The following MRPL21 variants were observed in gnomAD, a reference collection of about 807,000 sequenced individuals.
MRPL21 encodes large ribosomal subunit protein bL21m.
In MRPL21, 20 loss-of-function variants were observed where a neutral mutation model predicts 27.3. The ratio of observed to expected loss-of-function variants is 0.73; its 90% CI spans 0.52 to 1.06. The LOEUF is 1.06. Among genes scored for constraint, MRPL21 ranks in the 50% least tolerant of loss-of-function variants. The pLI, the probability that MRPL21 is intolerant of heterozygous loss-of-function variation, is 0.00. For missense variants in MRPL21, 249 were observed against 251.4 expected (o/e 0.99, Z 0.06); for synonymous variants, 98 against 101.5 (o/e 0.97, Z 0.21).
intron 2 of MRPL21, among the ~76,000 whole-genome samples, chr11:68,899,393 G>A (rs999430944): frequency 7.2e-5 from 11 of 152,172 alleles, no homozygotes; most frequent in Non-Finnish European, 1.3e-4. Context: ...CAAAGACCAG[G>A]CCCACCCGTC....
chr11:68,891,421 G>C, intron 6 of MRPL21, 26 bp from the exon 7 acceptor site: 1 of 1,612,128 alleles, frequency 6.2e-7, no homozygotes, highest in Non-Finnish European at 8.5e-7. Flanking sequence ...TCACAGGCTT[G>C]ACCACAGACC....
At chr11:68,894,574 G>A (rs1219648549) in intron 4 of MRPL21, among the ~76,000 whole-genome samples, 4 of 152,144 alleles carry the variant, frequency 2.6e-5, no homozygotes, top group African/African-American at 7.2e-5. Context: ...GAGCCACCAC[G>A]CACGGCCTAC....
At chr11:68,895,115 T>G (rs1857754705) in intron 4 of MRPL21, among the ~76,000 whole-genome samples, 1 of 148,674 alleles carries the variant, frequency 6.7e-6, no homozygotes, top group Non-Finnish European at 1.5e-5. Flanking sequence ...AAATACAAAA[T>G]TAGCCAGGCA....
chr11:68,891,528 A>T, intron 6 of MRPL21, 133 bp from the exon 7 acceptor site: 1 of 856,360 alleles, frequency 1.2e-6, no homozygotes. Context: ...GGCCGTGTTT[A>T]TCTCCAGGTG....
At chr11:68,900,464 C>A (rs1857905708) in intron 2 of MRPL21, 84 bp downstream of exon 2, 21 of 1,236,496 alleles carry the variant, frequency 1.7e-5, no homozygotes, top group Non-Finnish European at 2.3e-5. Flanking sequence ...TATTGAGAAC[C>A]AAAAGGTAGG....
intron 6 of MRPL21, chr11:68,892,057 G>A: frequency 7.0e-6 from 9 of 1,293,630 alleles, no homozygotes; most frequent in Non-Finnish European, 9.0e-6. Context: ...TGCGTGGAGG[G>A]TGGAGGAGAA....
chr11:68,891,780 C>T, intron 6 of MRPL21: 2 of 474,558 alleles, frequency 4.2e-6, no homozygotes, highest in East Asian at 3.1e-5. Flanking sequence ...AAGGTGACAG[C>T]CAATACCAGT....
intron 4 of MRPL21, 99 bp downstream of exon 4, chr11:68,896,416 G>A (rs867122505): frequency 1.4e-5 from 20 of 1,441,884 alleles, no homozygotes; most frequent in Middle Eastern, 1.9e-4. Context: ...CACCTGAGAC[G>A]GGGTCGGCGA....
At chr11:68,902,835 G>C (rs520654) in intron 1 of MRPL21, among the ~76,000 whole-genome samples, 89,627 of 151,410 alleles carry the variant, frequency 0.59, 26,661 homozygotes, top group South Asian at 0.67. Flanking sequence ...TACCCCCCAT[G>C]TAACTTTTTA....
At chr11:68,894,869 C>T (rs1857747125) in intron 4 of MRPL21, among the ~76,000 whole-genome samples, 2 of 152,190 alleles carry the variant, frequency 1.3e-5, no homozygotes, top group Non-Finnish European at 2.9e-5. Flanking sequence ...CATCTGCCTT[C>T]AGAGGAGGAG....
At chr11:68,891,949 C>T in intron 6 of MRPL21, 2 of 640,186 alleles carry the variant, frequency 3.1e-6, no homozygotes, top group Non-Finnish European at 4.7e-6. Context: ...GGGATGTCCT[C>T]AGTGCAGACC....
rs199536176 is a variant in MRPL21 at position 68,903,784 on chromosome 11, G to A, written c.27C>T (p.Thr9=). The part of the protein sequence containing the change: MAASSLTV[T]LGRLASACSH... ...TGCACGCGGACGCCAGCCGCCCTAA[G>A]GTGACCGTCAGGGAAGATGCTGCCA... is the stretch of plus-strand genomic sequence containing the variant. The change falls in exon 1 of 7, where the codon ACC becomes ACT. Residue 9 remains threonine (T), a synonymous_variant. Coordinates refer to ENST00000362034, the MANE Select transcript of MRPL21 (RefSeq NM_181514.2). The A allele has an allele frequency of 4.8e-5, 77 of 1,611,922 alleles. No individual in the cohort carries two copies. In the African/African-American group the frequency reaches 9.7e-4, roughly 20 times the overall value.
chr11:68,892,850 C>A, intron 6 of MRPL21, 40 bp downstream of exon 6: 1 of 1,594,842 alleles, frequency 6.3e-7, no homozygotes, highest in South Asian at 1.1e-5. Context: ...GGGCAACCAG[C>A]ACCGTGCAAC....
At chr11:68,893,572 G>C in intron 4 of MRPL21, 117 bp from the exon 5 acceptor site, 1 of 1,329,030 alleles carries the variant, frequency 7.5e-7, no homozygotes, top group East Asian at 2.5e-5. Flanking sequence ...AAAACATTGT[G>C]ACATGAATTT....
Position 68,897,961 on chromosome 11 carries a change from C to T in MRPL21, c.198G>A (p.Leu66=), listed in dbSNP as rs1234008664. Residue 66 remains leucine, a synonymous_variant, in exon 3 of 7, where the codon CTG becomes CTA. Coordinates refer to ENST00000362034, the MANE Select transcript of MRPL21 (RefSeq NM_181514.2). ...LSSPPWPEVV[L]PDPVEETRHH... ...GTCTGGTCTCCTCAACTGGGTCTGG[C>T]AGAACAACTTCTGGCCAAGGTGGTG... is the stretch of plus-strand genomic sequence containing the variant. 1 of 1,614,100 alleles carries T rather than the reference C, an allele frequency of 6.2e-7. No individual in the cohort carries two copies. The highest frequency in any genetic ancestry group is 1.1e-5 in the South Asian group (1 of 91,068).
intron 1 of MRPL21, among the ~76,000 whole-genome samples, chr11:68,902,501 T>G (rs1209723001): frequency 6.6e-6 from 1 of 152,242 alleles, no homozygotes; most frequent in African/African-American, 2.4e-5. Context: ...GACTTTATTT[T>G]TTAGCACAGT....
Position 68,903,777 on chromosome 11 carries a change from G to A in MRPL21, c.34C>T (p.Arg12Trp), listed in dbSNP as rs1477151342. The A allele has an allele frequency of 5.6e-6, 9 of 1,612,992 alleles. No homozygotes were observed. The highest frequency in any genetic ancestry group is 2.7e-5 in the African/African-American group (2 of 74,948). The change falls in exon 1 of 7, where the codon CGG becomes TGG. Residue 12 changes from arginine (R) to tryptophan (W), a missense_variant. Arg to Trp is a moderately radical substitution (Grantham distance 101, BLOSUM62 -3). Transcript: ENST00000362034. ...CTGTGGCTGCACGCGGACGCCAGCC[G>A]CCCTAAGGTGACCGTCAGGGAAGAT... Reference protein sequence around the residue: ...AASSLTVTLGRLASACSHSIL... With the variant: ...AASSLTVTLGWLASACSHSIL...
chr11:68,898,736 C>G (rs948270832), intron 2 of MRPL21, among the ~76,000 whole-genome samples: 1 of 152,152 alleles, frequency 6.6e-6, no homozygotes, highest in Non-Finnish European at 1.5e-5. Flanking sequence ...TATAGCACTG[C>G]GGTCCCCAGC....
In MRPL21 at chr11:68,903,812, G is replaced by A; in HGVS notation, c.-2C>T. On this transcript the variant is annotated 5_prime_UTR_variant, in exon 1 of 7. Coordinates refer to ENST00000362034, the MANE Select transcript of MRPL21 (RefSeq NM_181514.2). Reference sequence around the variant, plus strand: ...GACCGTCAGGGAAGATGCTGCCATGGCCGCAGCCTCGGCCGGAAACGGAAA... The same window carrying A: ...GACCGTCAGGGAAGATGCTGCCATGACCGCAGCCTCGGCCGGAAACGGAAA... 1 of 1,612,214 alleles carries A rather than the reference G, an allele frequency of 6.2e-7. No individual in the cohort carries two copies. The highest frequency in any genetic ancestry group is 8.5e-7 in the Non-Finnish European group (1 of 1,179,496).
Sources: gnomAD v4.1 joint callset for allele counts (sites outside exome capture counted in the v4.1 genomes callset) on GRCh38, gnomAD v4.1.1 for gene constraint, MANE v1.5 for transcripts, NCBI Gene and HGNC (gene_info 2026-07-23, HGNC 2026-07-21) for gene names.